Variants in CDC123 observed in about 807,000 individuals in gnomAD.
CDC123 encodes the protein cell division cycle 123.
CDC123 carries 37 observed loss-of-function variants against 54.4 expected under a neutral mutation model. The ratio of observed to expected loss-of-function variants is 0.68; its 90% CI spans 0.52 to 0.89. The LOEUF (loss-of-function observed/expected upper bound fraction) is 0.89, where lower values mean the gene tolerates loss of function less well. Ranked by LOEUF, CDC123 falls within the 40% of genes least tolerant of loss-of-function variation. CDC123 has a pLI of 0.00. For missense variants in CDC123, 361 were observed against 412.1 expected (o/e 0.88, Z 1.07); for synonymous variants, 144 against 136.8 (o/e 1.05, Z -0.37).
At chr10:12,200,893 A>G (rs1442626875) in intron 2 of CDC123, among the ~76,000 whole-genome samples, 1 of 151,940 alleles carries the variant, frequency 6.6e-6, no homozygotes, top group Non-Finnish European at 1.5e-5. Context: ...AGATCATGCC[A>G]TTGCGCTCCA....
intron 7 of CDC123, among the ~76,000 whole-genome samples, chr10:12,234,324 T>A (rs4500396): frequency 0.99 from 151,540 of 152,344 alleles, 75,378 homozygotes; most frequent in Non-Finnish European, 1. Flanking sequence ...ATCTGGGCTC[T>A]CTACAACCTC....
chr10:12,208,627 G>A (rs1835552031), intron 2 of CDC123, among the ~76,000 whole-genome samples: 1 of 152,188 alleles, frequency 6.6e-6, no homozygotes, highest in Non-Finnish European at 1.5e-5. Context: ...ATAATGCCAA[G>A]GTTGCAGTGA....
In CDC123 at chr10:12,250,297, G is replaced by A; in HGVS notation, c.985-14G>A. The A allele has an allele frequency of 6.4e-7, 1 of 1,560,000 alleles. No homozygotes were observed. Among genetic ancestry groups the A allele is most frequent in the Middle Eastern group, 1.7e-4 (1 of 5,934 alleles). ...CATGTGCTATTTTAACATCCCCTTG[G>A]TTTTCTTTGACAGAAGAGAAATCAG... On this transcript the variant is annotated splice_polypyrimidine_tract_variant and intron_variant, in intron 12 of 12. Transcript: ENST00000281141.
chr10:12,198,815 TAAAG>T (rs748331746), intron 2 of CDC123, 39 bp downstream of exon 2: 56 of 1,060,252 alleles, frequency 5.3e-5, no homozygotes, highest in Admixed American at 1.6e-4. Flanking sequence ...AACTTTATCA[TAAAG>T]AAACACATAA....
At chr10:12,246,116 T>C in intron 10 of CDC123, 33 bp from the exon 11 acceptor site, 2 of 1,603,042 alleles carry the variant, frequency 1.2e-6, no homozygotes, top group South Asian at 1.1e-5. Context: ...ACAGAAGATG[T>C]TTGTTTTTGT....
At chr10:12,246,860 C>T (rs1316304525) in intron 11 of CDC123, 2 of 151,920 alleles carry the variant, frequency 1.3e-5, no homozygotes, top group African/African-American at 4.9e-5. Flanking sequence ...TTGTGTCCCC[C>T]TCTGTCATCT....
At chr10:12,206,126 A>G (rs1009361519) in intron 2 of CDC123, among the ~76,000 whole-genome samples, 1 of 152,292 alleles carries the variant, frequency 6.6e-6, no homozygotes, top group Non-Finnish European at 1.5e-5. Flanking sequence ...ATACATTGTC[A>G]CCTTTTACAG....
chr10:12,212,056 C>G (rs945206404), intron 4 of CDC123, among the ~76,000 whole-genome samples: 1 of 151,856 alleles, frequency 6.6e-6, no homozygotes, highest in Non-Finnish European at 1.5e-5. Context: ...CCACTGCACT[C>G]CAGCCTGGGT....
chr10:12,245,904 C>G, intron 10 of CDC123: 1 of 346,052 alleles, frequency 2.9e-6, no homozygotes, highest in Non-Finnish European at 5.3e-6. Context: ...GACCCTGTCT[C>G]GAAGAAAATA....
chr10:12,241,109 T>G (rs976211425), intron 10 of CDC123, among the ~76,000 whole-genome samples: 6 of 152,196 alleles, frequency 3.9e-5, no homozygotes, highest in African/African-American at 1.4e-4. Flanking sequence ...TCAGGGTTTT[T>G]GGGGTTTCGT....
chr10:12,199,495 G>A (rs1219950155), intron 2 of CDC123, among the ~76,000 whole-genome samples: 1 of 152,158 alleles, frequency 6.6e-6, no homozygotes, highest in Non-Finnish European at 1.5e-5. Context: ...CATGAAAACA[G>A]GGACTTGGCC....
chr10:12,238,160 C>T (rs1327417657), intron 9 of CDC123, among the ~76,000 whole-genome samples: 1 of 152,214 alleles, frequency 6.6e-6, no homozygotes, highest in African/African-American at 2.4e-5. Context: ...TGACTCCCAT[C>T]TTTCCCATAG....
At position 12,220,902 on chromosome 10, in the gene CDC123, G is replaced by A. The variant is rs868410277; in HGVS notation, c.440+3435G>A. 8.5e-4 allele frequency among the ~76,000 whole-genome samples: 130 copies of A among 152,066 alleles called. 2 individuals carry two copies. The highest frequency in any genetic ancestry group is 3.4e-3 in the Middle Eastern group (1 of 292). ...TGAGGCAGGAGAATGGCGTGAACCC[G>A]GGAGGCGGAGCTTGCAGTGAGCTGA... On this transcript the variant is annotated intron_variant, in intron 6 of 12. Coordinates refer to ENST00000281141, the MANE Select transcript of CDC123 (RefSeq NM_006023.3).
Position 12,226,288 on chromosome 10 carries a change from C to T in CDC123, c.441-4660C>T, listed in dbSNP as rs539968946. 1.9e-3 allele frequency among the ~76,000 whole-genome samples: 282 copies of T among 152,330 alleles called. 5 individuals are homozygous for T. The highest frequency in any genetic ancestry group is 0.01 in the Middle Eastern group (3 of 294). On this transcript the variant is annotated intron_variant, in intron 6 of 12. Coordinates refer to ENST00000281141, the MANE Select transcript of CDC123 (RefSeq NM_006023.3). ...TGAGCTGTTGGGTACACCTCCCAGA[C>T]GGCGTGGCGGCTGGGCAGAGGCGCC...
chr10:12,200,174 T>G (rs1229352275), intron 2 of CDC123, among the ~76,000 whole-genome samples: 1 of 133,576 alleles, frequency 7.5e-6, no homozygotes, highest in Non-Finnish European at 1.6e-5. Context: ...TCAGCCAGGC[T>G]GGAGTGCAGT....
At chr10:12,233,880 T>G (rs191207365) in intron 7 of CDC123, among the ~76,000 whole-genome samples, 6 of 152,054 alleles carry the variant, frequency 3.9e-5, no homozygotes, top group Admixed American at 2.0e-4. Flanking sequence ...AGAGTTTATA[T>G]CTATTAAATA....
At chr10:12,234,622 G>C (rs1047750586) in intron 7 of CDC123, among the ~76,000 whole-genome samples, 4 of 152,150 alleles carry the variant, frequency 2.6e-5, no homozygotes, top group Admixed American at 2.0e-4. Flanking sequence ...TGGTGTGCTT[G>C]TATGTCAGAA....
intron 10 of CDC123, among the ~76,000 whole-genome samples, chr10:12,241,524 A>G (rs1364348103): frequency 1.3e-5 from 2 of 152,096 alleles, no homozygotes; most frequent in Non-Finnish European, 2.9e-5. Flanking sequence ...GTCTAGCATC[A>G]ATATATTTAT....
intron 4 of CDC123, among the ~76,000 whole-genome samples, chr10:12,212,042 T>A (rs1169354925): frequency 6.6e-6 from 1 of 151,892 alleles, no homozygotes; most frequent in Non-Finnish European, 1.5e-5. Flanking sequence ...GAACCAAGAT[T>A]GCGCCACTGC....
Sources: gnomAD v4.1 joint callset for allele counts (sites outside exome capture counted in the v4.1 genomes callset) on GRCh38, gnomAD v4.1.1 for gene constraint, MANE v1.5 for transcripts, NCBI Gene and HGNC (gene_info 2026-07-23, HGNC 2026-07-21) for gene names.